Variants in CHCHD3 observed in about 807,000 individuals in gnomAD.
CHCHD3 encodes MICOS complex subunit MIC19.
Under a neutral mutation model 38.2 loss-of-function variants are expected in CHCHD3, and 20 were observed. The ratio of observed to expected loss-of-function variants is 0.52; its 90% CI spans 0.37 to 0.76. The LOEUF (loss-of-function observed/expected upper bound fraction) is 0.76. Among genes scored for constraint, CHCHD3 ranks in the 30% least tolerant of loss-of-function variants. The pLI is 0.00. For missense variants in CHCHD3, 245 were observed against 279.2 expected, an observed-to-expected ratio of 0.88 and a Z score of 0.87; for synonymous variants, 82 against 100.0, an observed-to-expected ratio of 0.82 and a Z score of 1.07.
At chr7:132,809,452 T>C (rs940413888) in intron 6 of CHCHD3, among the ~76,000 whole-genome samples, 1 of 152,222 alleles carries the variant, frequency 6.6e-6, no homozygotes, top group Non-Finnish European at 1.5e-5. Context: ...ACACGAATTC[T>C]AGTGAATGAA....
intron 2 of CHCHD3, among the ~76,000 whole-genome samples, chr7:133,039,453 T>C (rs1813769478): frequency 6.6e-6 from 1 of 152,216 alleles, no homozygotes; most frequent in South Asian, 2.1e-4. Flanking sequence ...TCTTTTCAAT[T>C]TTTAATCCAT....
intron 4 of CHCHD3, among the ~76,000 whole-genome samples, chr7:132,908,196 C>A (rs985279805): frequency 6.6e-6 from 1 of 152,246 alleles, no homozygotes; most frequent in East Asian, 1.9e-4. Context: ...TCTTGGTCTG[C>A]GGTTCAGAAT....
chr7:132,806,447 C>T (rs1167933832), intron 6 of CHCHD3, among the ~76,000 whole-genome samples: 4 of 152,056 alleles, frequency 2.6e-5, no homozygotes, highest in Non-Finnish European at 5.9e-5. Flanking sequence ...TTAAGAACTG[C>T]TTTAAAGGGA....
At chr7:132,805,915 G>A (rs370610361) in intron 6 of CHCHD3, among the ~76,000 whole-genome samples, 7 of 152,302 alleles carry the variant, frequency 4.6e-5, no homozygotes, top group African/African-American at 1.7e-4. Flanking sequence ...ATGACAGGAA[G>A]CTCAAGTGGA....
intron 6 of CHCHD3, among the ~76,000 whole-genome samples, chr7:132,801,440 G>C (rs1223124158): frequency 6.6e-6 from 1 of 152,148 alleles, no homozygotes; most frequent in Non-Finnish European, 1.5e-5. Flanking sequence ...GGTCCAAACA[G>C]CTCCAAAAGC....
chr7:133,034,905 C>A (rs1813618275), intron 2 of CHCHD3: 1 of 1,608,720 alleles, frequency 6.2e-7, no homozygotes, highest in African/African-American at 1.3e-5. Context: ...GATGAGATTG[C>A]AGCTCATGAA....
Position 133,035,916 on chromosome 7 carries a change from G to A in CHCHD3, c.170-11289C>T, listed in dbSNP as rs1813661764. On this transcript the variant is annotated intron_variant, in intron 2 of 7. Transcript: ENST00000262570. This position sits in a 1 kb window ranked among gnomAD's most constrained non-coding sequence, Gnocchi z 4.7. ...AGGATACGTGTACAGGGTCCCAGCC[G>A]CCATGGTGATTCCGCAAAGAAAGGC... 7 of 1,589,530 alleles carry A rather than the reference G, an allele frequency of 4.4e-6. No individual in the cohort carries two copies. Among genetic ancestry groups the A allele is most frequent in the East Asian group, 2.2e-5 (1 of 44,638 alleles).
chr7:133,047,816 G>A (rs536299413), intron 2 of CHCHD3, among the ~76,000 whole-genome samples: 11 of 152,210 alleles, frequency 7.2e-5, no homozygotes, highest in South Asian at 4.1e-4. Flanking sequence ...GGCCAGGCGC[G>A]GTGGCTCATG....
At chr7:133,015,509 C>T (rs1323585306) in intron 3 of CHCHD3, among the ~76,000 whole-genome samples, 1 of 151,916 alleles carries the variant, frequency 6.6e-6, no homozygotes, top group Non-Finnish European at 1.5e-5. Context: ...GATCTAATAA[C>T]CAGTAGCACA....
intron 4 of CHCHD3, among the ~76,000 whole-genome samples, chr7:132,951,664 A>C (rs1450981803): frequency 2.0e-5 from 3 of 152,248 alleles, no homozygotes; most frequent in African/African-American, 7.2e-5. Context: ...TTCCCAGAAC[A>C]TATCCCTGTC....
At chr7:132,902,391 C>G (rs552449626) in intron 4 of CHCHD3, among the ~76,000 whole-genome samples, 83 of 152,280 alleles carry the variant, frequency 5.5e-4, no homozygotes, top group African/African-American at 2.0e-3. Flanking sequence ...CAGCACTACT[C>G]ACAATAGCAA....
At chr7:133,052,549 G>A (rs1003514405) in intron 2 of CHCHD3, among the ~76,000 whole-genome samples, 1 of 152,312 alleles carries the variant, frequency 6.6e-6, no homozygotes, top group Non-Finnish European at 1.5e-5. Context: ...TTTGGCATTA[G>A]CCTGTACTGC....
chr7:132,958,153 G>A, intron 4 of CHCHD3, among the ~76,000 whole-genome samples: 1 of 152,164 alleles, frequency 6.6e-6, no homozygotes, highest in Non-Finnish European at 1.5e-5. Flanking sequence ...GGCTAAGAGG[G>A]CTTATTATAA....
intron 5 of CHCHD3, among the ~76,000 whole-genome samples, chr7:132,879,991 T>C (rs1371341187): frequency 6.6e-6 from 1 of 152,120 alleles, no homozygotes; most frequent in Non-Finnish European, 1.5e-5. Flanking sequence ...TCCCAGGAAA[T>C]GTCAAATTCT....
chr7:133,080,419 C>T (rs916405081), intron 1 of CHCHD3, among the ~76,000 whole-genome samples: 1 of 152,180 alleles, frequency 6.6e-6, no homozygotes, highest in African/African-American at 2.4e-5. Context: ...TTGCTGTTAG[C>T]ACTGTGTCTG....
chr7:132,853,393 G>C (rs1032832536), intron 5 of CHCHD3, among the ~76,000 whole-genome samples: 1 of 152,120 alleles, frequency 6.6e-6, no homozygotes, highest in Non-Finnish European at 1.5e-5. Flanking sequence ...GGCCAAGGTG[G>C]GCAGATCACC....
chr7:132,993,891 C>A (rs906180395), intron 3 of CHCHD3, among the ~76,000 whole-genome samples: 1 of 152,098 alleles, frequency 6.6e-6, no homozygotes, highest in Non-Finnish European at 1.5e-5. Flanking sequence ...CAACTAGTGG[C>A]GAGACTGAAA....
chr7:133,001,023 A>G (rs1812557709), intron 3 of CHCHD3, among the ~76,000 whole-genome samples: 1 of 152,180 alleles, frequency 6.6e-6, no homozygotes, highest in South Asian at 2.1e-4. Flanking sequence ...CATAACATAC[A>G]GCTGTGTGAC....
At chr7:132,947,560 T>A (rs1810928893) in intron 4 of CHCHD3, among the ~76,000 whole-genome samples, 1 of 152,016 alleles carries the variant, frequency 6.6e-6, no homozygotes, top group African/African-American at 2.4e-5. Context: ...TTAATAAATA[T>A]CAAGTTTTAC....
Sources: allele counts gnomAD v4.1 joint callset (sites outside exome capture counted in the v4.1 genomes callset), GRCh38; gene constraint gnomAD v4.1.1; non-coding constraint Gnocchi (gnomAD v3.1); transcripts MANE v1.5; gene names NCBI Gene and HGNC (gene_info 2026-07-23, HGNC 2026-07-21).